C20orf203: variants seen among roughly 807,000 people sequenced by gnomAD.
C20orf203 encodes chromosome 20 open reading frame 203.
Under a neutral mutation model 15.9 loss-of-function variants are expected in C20orf203, and 16 were observed. The ratio of observed to expected loss-of-function variants is 1.01; its 90% confidence interval spans 0.68 to 1.53. The LOEUF is 1.53. Ranked by LOEUF, C20orf203 falls within the 40% of genes most tolerant of loss-of-function variation. The pLI, the probability that C20orf203 is intolerant of heterozygous loss-of-function variation, is 0.00. For missense variants in C20orf203, 263 were observed against 247.5 expected, an observed-to-expected ratio of 1.06 and a Z score of -0.42; for synonymous variants, 98 against 97.2, an observed-to-expected ratio of 1.01 and a Z score of -0.05.
chr20:32,660,679 G>A (rs536147956), intron 1 of C20orf203, among the ~76,000 whole-genome samples: 3 of 152,246 alleles, frequency 2.0e-5, no homozygotes, highest in East Asian at 1.9e-4. Context: ...CACCAAGAAC[G>A]TGTGTGTATT....
intron 4 of C20orf203, among the ~76,000 whole-genome samples, chr20:32,644,364 C>T (rs941783292): frequency 1.3e-5 from 2 of 152,174 alleles, no homozygotes; most frequent in Non-Finnish European, 2.9e-5. Flanking sequence ...AGGAGAATTG[C>T]TTGAACCCTG....
chr20:32,668,540 C>T (rs968567373), intron 1 of C20orf203, among the ~76,000 whole-genome samples: 2 of 151,698 alleles, frequency 1.3e-5, no homozygotes, highest in East Asian at 1.9e-4. Flanking sequence ...GCAGGAGAAT[C>T]GCTTGAACCC....
intron 1 of C20orf203, among the ~76,000 whole-genome samples, 195 bp downstream of exon 1, chr20:32,673,437 G>A (rs1297914267): frequency 6.6e-6 from 1 of 152,180 alleles, no homozygotes; most frequent in Non-Finnish European, 1.5e-5. Context: ...CCCACATTCG[G>A]GGAGCCTCAC....
At chr20:32,665,568 A>G (rs2145681546) in intron 1 of C20orf203, among the ~76,000 whole-genome samples, 1 of 152,352 alleles carries the variant, frequency 6.6e-6, no homozygotes, top group East Asian at 1.9e-4. Flanking sequence ...CAGGAACCAG[A>G]CAGAAGCTGG....
rs1352222097 is a variant in C20orf203 at position 32,649,451 on chromosome 20, CAT to C, written c.*979_*980del. On this transcript the variant is annotated 3_prime_UTR_variant, in exon 4 of 6. Coordinates refer to ENST00000608990, the MANE Select transcript of C20orf203 (RefSeq NM_182584.4). Reference sequence around the variant, plus strand: ...ATCAGCCCATGAAGCAGCTATGAATCATAGGGGAACTAAGGCATGGTACGGTT... The same window carrying C: ...ATCAGCCCATGAAGCAGCTATGAATCAGGGGAACTAAGGCATGGTACGGTT... 6.6e-6 allele frequency: 1 copy of C among 152,416 alleles called. No individual in the cohort carries two copies. The highest frequency in any genetic ancestry group is 1.5e-5 in the Non-Finnish European group (1 of 68,170). The allele number at this position is 152,416 out of a possible 1,614,324, so 9.4% of individuals were successfully genotyped here. A position where few individuals can be genotyped will look rare whatever the true frequency, so the allele number is the denominator to read the frequency against.
Position 32,671,522 on chromosome 20 carries a change from T to G in C20orf203, c.-264+2110A>C, listed in dbSNP as rs576004119. On this transcript the variant is annotated intron_variant, in intron 1 of 5. Coordinates refer to ENST00000608990, the MANE Select transcript of C20orf203 (RefSeq NM_182584.4). ...AAGAAAAAAAATAAAGACAAAAAAA[T>G]TTTAAGTAGAAAAAAGAAAGGGAAA... Among the ~76,000 whole-genome samples the G allele has an allele frequency of 4.3e-4, 65 of 151,892 alleles. 2 individuals carry two copies. The highest frequency in any genetic ancestry group is 1.5e-3 in the African/African-American group (63 of 41,428).
At chr20:32,654,786 G>A (rs1435737052) in intron 1 of C20orf203, among the ~76,000 whole-genome samples, 1 of 152,158 alleles carries the variant, frequency 6.6e-6, no homozygotes, top group African/African-American at 2.4e-5. Flanking sequence ...AGAGATTGCA[G>A]TGAACCAAGA....
chr20:32,636,194 T>G (rs542816944), intron 5 of C20orf203, among the ~76,000 whole-genome samples: 2 of 152,364 alleles, frequency 1.3e-5, no homozygotes, highest in East Asian at 3.9e-4. Flanking sequence ...AGGGGCTTTA[T>G]AGGGCCCAGG....
rs1001544138 is a variant in C20orf203, at chr20:32,636,086, C to T, written c.*1300-1816G>A. ...CTTCCACTGGGGAGGTCATGCACAC[C>T]GAGCACCCTTGCCACTGAACAACGG... On this transcript the variant is annotated intron_variant, in intron 5 of 5. Coordinates refer to ENST00000608990, the MANE Select transcript of C20orf203 (RefSeq NM_182584.4). 7.9e-5 allele frequency among the ~76,000 whole-genome samples: 12 copies of T among 152,134 alleles called. 1 individual carries two copies. Among genetic ancestry groups the T allele is most frequent in the Non-Finnish European group, 1.2e-4 (8 of 68,030 alleles).
intron 4 of C20orf203, among the ~76,000 whole-genome samples, chr20:32,641,084 C>T (rs1361641531): frequency 3.9e-5 from 6 of 151,920 alleles, no homozygotes; most frequent in Non-Finnish European, 5.9e-5. Flanking sequence ...TTTGGGAGGC[C>T]GAGGTGGTCG....
chr20:32,659,921 TAAC>T (rs541823172), intron 1 of C20orf203, among the ~76,000 whole-genome samples: 3 of 152,204 alleles, frequency 2.0e-5, no homozygotes, highest in Non-Finnish European at 4.4e-5. Flanking sequence ...TGTATTATAT[TAAC>T]ATCATCATCA....
At chr20:32,644,683 A>G (rs745643166) in intron 4 of C20orf203, among the ~76,000 whole-genome samples, 1 of 152,134 alleles carries the variant, frequency 6.6e-6, no homozygotes, top group Non-Finnish European at 1.5e-5. Flanking sequence ...TCTAACATCC[A>G]GCAACCAGAT....
intron 4 of C20orf203, among the ~76,000 whole-genome samples, chr20:32,646,669 T>C (rs560965270): frequency 3.9e-5 from 6 of 152,290 alleles, no homozygotes; most frequent in East Asian, 1.9e-4. Flanking sequence ...AGGGAAACAG[T>C]TGGGGAAAGG....
At chr20:32,644,372 C>T (rs1252163318) in intron 4 of C20orf203, among the ~76,000 whole-genome samples, 2 of 152,142 alleles carry the variant, frequency 1.3e-5, no homozygotes, top group African/African-American at 4.8e-5. Flanking sequence ...TGCTTGAACC[C>T]TGGAGGAAAA....
chr20:32,668,170 G>A (rs1383134609), intron 1 of C20orf203, among the ~76,000 whole-genome samples: 1 of 152,130 alleles, frequency 6.6e-6, no homozygotes, highest in Non-Finnish European at 1.5e-5. Context: ...AGGGGTAAAT[G>A]GGTCTGTAAG....
chr20:32,635,126 G>A lies in C20orf203; in HGVS notation c.*1300-856C>T, dbSNP rs140780082. Among the ~76,000 whole-genome samples the A allele has an allele frequency of 2.4e-3, 368 of 151,722 alleles. 3 individuals are homozygous for A. The highest frequency in any genetic ancestry group is 7.5e-3 in the African/African-American group (311 of 41,316). ...GAGGCAGGAGAATCACCTGGGAGGC[G>A]GAGGTTGCAGTGAGACAAGATTGTG... On this transcript the variant is annotated intron_variant, in intron 5 of 5. Coordinates refer to ENST00000608990, the MANE Select transcript of C20orf203 (RefSeq NM_182584.4).
chr20:32,652,837 A>T (rs920536489), intron 1 of C20orf203, among the ~76,000 whole-genome samples: 2 of 152,116 alleles, frequency 1.3e-5, no homozygotes, highest in Non-Finnish European at 2.9e-5. Flanking sequence ...TGAGAGATGC[A>T]AGGCTGCTGG....
Position 32,632,496 on chromosome 20 carries a change from G to A in C20orf203, c.*3074C>T, listed in dbSNP as rs1982025437. The A allele has an allele frequency of 6.6e-6, 1 of 152,206 alleles. No homozygotes were observed. Among genetic ancestry groups the A allele is most frequent in the South Asian group, 2.1e-4 (1 of 4,832 alleles). The allele number at this position is 152,206 out of a possible 1,614,324, so 9.4% of individuals were successfully genotyped here. On this transcript the variant is annotated 3_prime_UTR_variant, in exon 6 of 6. Transcript: ENST00000608990. ...GCCCGGGAGAACCCATGTGCGCACT[G>A]GAGCACATGCACGTGTGTTCCTGCC...
At chr20:32,658,869 G>T (rs1366646479) in intron 1 of C20orf203, among the ~76,000 whole-genome samples, 3 of 151,100 alleles carry the variant, frequency 2.0e-5, no homozygotes, top group African/African-American at 7.3e-5. Flanking sequence ...CAGAGACTCA[G>T]ACCCACTTCT....
Sources: gnomAD v4.1 joint callset for allele counts (sites outside exome capture counted in the v4.1 genomes callset) on GRCh38, gnomAD v4.1.1 for gene constraint, MANE v1.5 for transcripts, NCBI Gene and HGNC (gene_info 2026-07-23, HGNC 2026-07-21) for gene names.